The following SYT14 variants were observed in gnomAD, a reference collection of about 807,000 sequenced individuals.
SYT14 encodes the protein synaptotagmin 14.
Under a neutral mutation model 74.2 loss-of-function variants are expected in SYT14, and 32 were observed. The observed-to-expected ratio is 0.43, with a 90% CI of 0.33 to 0.58. The LOEUF (loss-of-function observed/expected upper bound fraction) is 0.58. Ranked by LOEUF, SYT14 falls within the 20% of genes least tolerant of loss-of-function variation. The pLI is 0.05. For synonymous variants in SYT14, 298 were observed against 337.7 expected, an observed-to-expected ratio of 0.88 and a Z score of 1.29; for missense variants, 791 against 981.8, an observed-to-expected ratio of 0.81 and a Z score of 2.60.
intron 5 of SYT14, among the ~76,000 whole-genome samples, chr1:210,034,566 G>C (rs2080614082): frequency 6.6e-6 from 1 of 151,488 alleles, no homozygotes; most frequent in South Asian, 2.1e-4. Flanking sequence ...TACTCATTAG[G>C]CAATTCTCAT....
chr1:209,944,644 C>G (rs1188219945), intron 1 of SYT14, among the ~76,000 whole-genome samples: 1 of 151,934 alleles, frequency 6.6e-6, no homozygotes, highest in Non-Finnish European at 1.5e-5. Context: ...TTGACTTTTT[C>G]AGACTATTTT....
At chr1:210,094,764 C>A (rs990493288) in intron 6 of SYT14, among the ~76,000 whole-genome samples, 171 bp downstream of exon 5, 1 of 152,054 alleles carries the variant, frequency 6.6e-6, no homozygotes, top group East Asian at 1.9e-4. Flanking sequence ...CAGGAATGTC[C>A]CAACTAGTCT....
At chr1:209,980,661 C>T (rs1392378113) in intron 2 of SYT14, among the ~76,000 whole-genome samples, 2 of 152,190 alleles carry the variant, frequency 1.3e-5, no homozygotes, top group Non-Finnish European at 2.9e-5. Flanking sequence ...CAGTTTTCTG[C>T]ATATGGCTAG....
intron 2 of SYT14, among the ~76,000 whole-genome samples, chr1:209,983,409 CT>C: frequency 6.6e-6 from 1 of 152,148 alleles, no homozygotes; most frequent in South Asian, 2.1e-4. Context: ...TTTTTTCCCC[CT>C]GCTCCTCAAA....
intron 1 of SYT14, among the ~76,000 whole-genome samples, chr1:209,946,491 C>T (rs963662320): frequency 1.3e-5 from 2 of 152,230 alleles, no homozygotes; most frequent in South Asian, 4.1e-4. Context: ...CCAGCCACCA[C>T]ATTCTCTAAA....
At chr1:210,104,686 G>T (rs7513307) in intron 7 of SYT14, among the ~76,000 whole-genome samples, 3,989 of 152,084 alleles carry the variant, frequency 0.026, 182 homozygotes, top group African/African-American at 0.09. Flanking sequence ...TCTAATTTCA[G>T]CTTATTAGAT....
intron 7 of SYT14, among the ~76,000 whole-genome samples, chr1:210,115,774 T>C (rs1558199436): frequency 6.6e-6 from 1 of 151,138 alleles, no homozygotes. Context: ...ATCTTTCTCA[T>C]GGAGCAAAGA....
At chr1:210,077,664 A>T (rs1240307617) in intron 5 of SYT14, among the ~76,000 whole-genome samples, 1 of 152,204 alleles carries the variant, frequency 6.6e-6, no homozygotes, top group Non-Finnish European at 1.5e-5. Context: ...AATTTTGATA[A>T]CTGTTTTTTG....
intron 2 of SYT14, among the ~76,000 whole-genome samples, chr1:209,971,236 A>T (rs1401613558): frequency 6.6e-6 from 1 of 152,124 alleles, no homozygotes; most frequent in Non-Finnish European, 1.5e-5. Context: ...TTGATTTTGT[A>T]TCTTGAAACT....
At chr1:210,008,060 T>C (rs555778822) in intron 2 of SYT14, among the ~76,000 whole-genome samples, 4 of 152,306 alleles carry the variant, frequency 2.6e-5, no homozygotes, top group Admixed American at 2.0e-4. Flanking sequence ...AAAGTTTTAC[T>C]TACTCTTTGT....
intron 5 of SYT14, among the ~76,000 whole-genome samples, chr1:210,066,816 T>C (rs1044298589): frequency 6.6e-6 from 1 of 152,070 alleles, no homozygotes; most frequent in Non-Finnish European, 1.5e-5. Flanking sequence ...CAATGAAAAG[T>C]GTTTGATGAA....
chr1:209,944,008 A>G (rs1009775585), intron 1 of SYT14, among the ~76,000 whole-genome samples: 4 of 152,192 alleles, frequency 2.6e-5, no homozygotes, highest in East Asian at 1.9e-4. Context: ...TAAGAGCCAC[A>G]CATATATTCA....
At chr1:210,120,720 A>G (rs12042135) in intron 7 of SYT14, among the ~76,000 whole-genome samples, 66,322 of 152,064 alleles carry the variant, frequency 0.44, 16,814 homozygotes, top group Non-Finnish European at 0.57. Context: ...TTGTATAATA[A>G]AAGTTATAAC....
intron 2 of SYT14, among the ~76,000 whole-genome samples, chr1:210,006,777 T>C: frequency 6.6e-6 from 1 of 152,082 alleles, no homozygotes. Context: ...TTAGAAATTA[T>C]AATTAATTTG....
chr1:210,036,281 A>G (rs2080660458), intron 5 of SYT14, among the ~76,000 whole-genome samples: 1 of 152,010 alleles, frequency 6.6e-6, no homozygotes, highest in Admixed American at 6.6e-5. Context: ...TTGATTTTGT[A>G]TCCTGAAACT....
At chr1:209,974,424 A>G (rs1267763096) in intron 2 of SYT14, among the ~76,000 whole-genome samples, 2 of 152,174 alleles carry the variant, frequency 1.3e-5, no homozygotes, top group East Asian at 3.8e-4. Flanking sequence ...TCAGCTTTCT[A>G]CATATGGCTA....
At chr1:210,109,593 G>C (rs1422495275) in intron 7 of SYT14, among the ~76,000 whole-genome samples, 26 of 147,284 alleles carry the variant, frequency 1.8e-4, no homozygotes, top group Admixed American at 1.5e-3. Context: ...AAAAAAAAGA[G>C]AGAAAAAACA....
chr1:210,111,129 G>T (rs1387939469), intron 7 of SYT14, among the ~76,000 whole-genome samples: 1 of 152,216 alleles, frequency 6.6e-6, no homozygotes, highest in Non-Finnish European at 1.5e-5. Context: ...AACAGGCTTT[G>T]TGTGAGCAAT....
chr1:209,970,263 A>G (rs1420652882), intron 2 of SYT14, among the ~76,000 whole-genome samples: 1 of 152,162 alleles, frequency 6.6e-6, no homozygotes, highest in Non-Finnish European at 1.5e-5. Context: ...ATAGGGGTCC[A>G]GTTTCATTCC....
Sources: allele counts gnomAD v4.1 joint callset (sites outside exome capture counted in the v4.1 genomes callset), GRCh38; gene constraint gnomAD v4.1.1; transcripts MANE v1.5; gene names NCBI Gene and HGNC (gene_info 2026-07-23, HGNC 2026-07-21).